The following YIPF4 variants were observed in gnomAD, a reference collection of about 807,000 sequenced individuals.
The protein encoded by YIPF4 is Yip1 domain family member 4.
In YIPF4, 18 loss-of-function variants were observed where a neutral mutation model predicts 29.4. That is an observed-to-expected ratio of 0.61 (90% CI 0.42 to 0.91). YIPF4 has a LOEUF of 0.91. YIPF4 is among the 40% of genes least tolerant of loss of function. The pLI is 0.00. For synonymous variants in YIPF4, 115 were observed against 104.7 expected (o/e 1.10, Z -0.60); for missense variants, 279 against 282.7 (o/e 0.99, Z 0.09).
In YIPF4 at chr2:32,310,849, C is replaced by G. The variant is rs983049861; in HGVS notation, c.*5223C>G. On this transcript the variant is annotated 3_prime_UTR_variant, in exon 6 of 6. Transcript: ENST00000238831. ...CGCGATCACACCACTGCATGCCAGC[C>G]TGGGCGACAGAGTGAGACCCTGTCT... The G allele has an allele frequency of 6.6e-6, 1 of 152,084 alleles. No individual in the cohort carries two copies. Among genetic ancestry groups the G allele is most frequent in the Non-Finnish European group, 1.5e-5 (1 of 68,058 alleles). 9.4% of individuals were successfully genotyped at this position (152,084 alleles called of 1,614,324 possible). A position where few individuals can be genotyped will look rare whatever the true frequency, so the allele number is the denominator to read the frequency against.
Position 32,305,879 on chromosome 2 carries a change from T to C in YIPF4, c.*253T>C. ...TCCAGTGAATAAAATACAAAAGCATTGTGTTTTTAAGATTGTGTCGATATT... is the reference window on the plus strand; with the variant it reads ...TCCAGTGAATAAAATACAAAAGCATCGTGTTTTTAAGATTGTGTCGATATT... On this transcript the variant is annotated 3_prime_UTR_variant, in exon 6 of 6. Coordinates refer to ENST00000238831, the MANE Select transcript of YIPF4 (RefSeq NM_032312.4). The C allele has an allele frequency of 9.1e-7, 1 of 1,094,076 alleles. No individual in the cohort carries two copies. Among genetic ancestry groups the C allele is most frequent in the Non-Finnish European group, 1.1e-6 (1 of 901,760 alleles). 67.8% of individuals were successfully genotyped at this position (1,094,076 alleles called of 1,614,324 possible). A position where few individuals can be genotyped will look rare whatever the true frequency, so the allele number is the denominator to read the frequency against.
intron 1 of YIPF4, among the ~76,000 whole-genome samples, chr2:32,282,427 C>G (rs1238817743): frequency 6.6e-6 from 1 of 152,186 alleles, no homozygotes; most frequent in Non-Finnish European, 1.5e-5. Context: ...AAGCTACTTA[C>G]CTTTTTTGTT....
At chr2:32,299,688 C>G (rs1290581372) in intron 4 of YIPF4, among the ~76,000 whole-genome samples, 2 of 152,004 alleles carry the variant, frequency 1.3e-5, no homozygotes, top group Non-Finnish European at 2.9e-5. Context: ...GTGGTGTGTG[C>G]CTGTGGTCCC....
intron 3 of YIPF4, among the ~76,000 whole-genome samples, chr2:32,295,488 C>T (rs2148964131): frequency 6.6e-6 from 1 of 152,320 alleles, no homozygotes; most frequent in Non-Finnish European, 1.5e-5. Flanking sequence ...GAATCTGTTG[C>T]TTGTTTCTTT....
At chr2:32,290,824 C>CA (rs2030879233) in intron 2 of YIPF4, 188 bp downstream of exon 2, 1 of 317,846 alleles carries the variant, frequency 3.1e-6, no homozygotes, top group Admixed American at 5.1e-5. Flanking sequence ...AATTAAAAGA[C>CA]AAAAATTAAA....
Position 32,295,014 on chromosome 2 carries a change from G to A in YIPF4, c.405+2666G>A, listed in dbSNP as rs1002027764. On this transcript the variant is annotated intron_variant, in intron 3 of 5. Transcript: ENST00000238831. ...GAGGTTGCAGTGAGCCGAGATGGCA[G>A]CAGTACAGTCCAGCTTCGGCTCGGC... Among the ~76,000 whole-genome samples, 88 of 150,440 alleles carry A rather than the reference G, an allele frequency of 5.8e-4. 1 individual carries two copies. The highest frequency in any genetic ancestry group is 9.6e-4 in the Non-Finnish European group (65 of 67,612).
At chr2:32,278,639 T>C (rs560995868) in intron 1 of YIPF4, among the ~76,000 whole-genome samples, 3 of 152,300 alleles carry the variant, frequency 2.0e-5, no homozygotes, top group South Asian at 2.1e-4. Context: ...TCTTCTGTTA[T>C]GTATCAACAG....
chr2:32,284,568 C>T (rs971781888), intron 1 of YIPF4, among the ~76,000 whole-genome samples: 3 of 152,170 alleles, frequency 2.0e-5, no homozygotes, highest in Admixed American at 6.5e-5. Flanking sequence ...TTCCCCTTTG[C>T]AATCTGCCGT....
rs962605310 is a variant in YIPF4, at chr2:32,306,260, C to G, written c.*634C>G. ...CCTTGTTAAGAATTCTTAATAACTA[C>G]TAAAACTGATTTTTAATAGTTGCTG... On this transcript the variant is annotated 3_prime_UTR_variant, in exon 6 of 6. Transcript: ENST00000238831. The G allele has an allele frequency of 2.7e-5, 26 of 962,678 alleles. No individual in the cohort carries two copies. Among genetic ancestry groups the G allele is most frequent in the Admixed American group, 6.2e-5 (1 of 16,188 alleles). 59.6% of individuals were successfully genotyped at this position (962,678 alleles called of 1,614,324 possible). A position where few individuals can be genotyped will look rare whatever the true frequency, so the allele number is the denominator to read the frequency against.
intron 3 of YIPF4, among the ~76,000 whole-genome samples, chr2:32,295,656 T>A (rs143359076): frequency 0.011 from 1,683 of 152,220 alleles, 14 homozygotes; most frequent in Admixed American, 0.018. Flanking sequence ...CAGGCTAGAG[T>A]GCAATGGCAC....
At chr2:32,305,225 G>GT (rs949375836) in intron 5 of YIPF4, among the ~76,000 whole-genome samples, 8 of 152,120 alleles carry the variant, frequency 5.3e-5, no homozygotes, top group African/African-American at 1.9e-4. Flanking sequence ...GAACTAGAGA[G>GT]TCCCCCAAGT....
chr2:32,307,018 CT>C lies in YIPF4; in HGVS notation c.*1394del. The C allele has an allele frequency of 1.1e-6, 1 of 909,106 alleles. No individual in the cohort carries two copies. Among genetic ancestry groups the C allele is most frequent in the Non-Finnish European group, 1.5e-6 (1 of 671,950 alleles). 56.3% of individuals were successfully genotyped at this position (909,106 alleles called of 1,614,324 possible). A position where few individuals can be genotyped will look rare whatever the true frequency, so the allele number is the denominator to read the frequency against. ...AATCCCAAAAGGAAAGAAAGAAAAA[CT>C]TATTTTAAGCTGCAGAAAAAGTGTG... is the stretch of plus-strand genomic sequence containing the variant. On this transcript the variant is annotated 3_prime_UTR_variant, in exon 6 of 6. Transcript: ENST00000238831.
chr2:32,296,352 A>C (rs1196774149), intron 3 of YIPF4, among the ~76,000 whole-genome samples: 1 of 151,912 alleles, frequency 6.6e-6, no homozygotes, highest in East Asian at 1.9e-4. Context: ...GGTGCCTGTA[A>C]TCCCAGCTAC....
chr2:32,305,399 T>C, intron 5 of YIPF4, 90 bp from the exon 6 acceptor site: 1 of 1,348,426 alleles, frequency 7.4e-7, no homozygotes. Flanking sequence ...TTTTTAAAAA[T>C]ATTGTAAACA....
At chr2:32,301,276 T>C (rs906306092) in intron 4 of YIPF4, 106 bp from the exon 5 acceptor site, 1 of 690,304 alleles carries the variant, frequency 1.4e-6, no homozygotes, top group Non-Finnish European at 2.5e-6. Flanking sequence ...TTCTTCTTAA[T>C]GCTCACATTT....
At chr2:32,299,225 G>A (rs540253461) in intron 4 of YIPF4, among the ~76,000 whole-genome samples, 1 of 152,230 alleles carries the variant, frequency 6.6e-6, no homozygotes, top group Admixed American at 6.5e-5. Flanking sequence ...TTGCCAAAGA[G>A]ATTTGTAACA....
Position 32,305,689 on chromosome 2 carries a change from C to T in YIPF4, c.*63C>T. ...TTTGTGTGTAGGCTGGGAATTCTTGCTGAAGGAATTGGAGAAAACCTGTTG... is the reference window on the plus strand; with the variant it reads ...TTTGTGTGTAGGCTGGGAATTCTTGTTGAAGGAATTGGAGAAAACCTGTTG... On this transcript the variant is annotated 3_prime_UTR_variant, in exon 6 of 6. Transcript: ENST00000238831. 7.4e-7 allele frequency: 1 copy of T among 1,359,618 alleles called. No individual in the cohort carries two copies. Among genetic ancestry groups the T allele is most frequent in the Non-Finnish European group, 9.5e-7 (1 of 1,051,450 alleles). 84.2% of individuals were successfully genotyped at this position (1,359,618 alleles called of 1,614,324 possible). A position where few individuals can be genotyped will look rare whatever the true frequency, so the allele number is the denominator to read the frequency against.
At chr2:32,297,220 G>T (rs530008542) in intron 3 of YIPF4, among the ~76,000 whole-genome samples, 1 of 151,990 alleles carries the variant, frequency 6.6e-6, no homozygotes, top group South Asian at 2.1e-4. Context: ...TGCCTCCCAG[G>T]TTCAAGCGAT....
chr2:32,302,076 G>A (rs1456020820), intron 5 of YIPF4, among the ~76,000 whole-genome samples: 2 of 149,500 alleles, frequency 1.3e-5, no homozygotes, highest in Admixed American at 6.7e-5. Context: ...TGTCGCCCAG[G>A]CTGGAGTGCA....
Sources: gnomAD v4.1 joint callset for allele counts (sites outside exome capture counted in the v4.1 genomes callset) on GRCh38, gnomAD v4.1.1 for gene constraint, MANE v1.5 for transcripts, NCBI Gene and HGNC (gene_info 2026-07-23, HGNC 2026-07-21) for gene names.